Variants in DGKB observed in about 807,000 individuals in gnomAD.
DGKB encodes the protein diacylglycerol kinase beta.
In DGKB, 67 loss-of-function variants were observed where a neutral mutation model predicts 114.3. The observed-to-expected ratio is 0.59, with a 90% CI of 0.48 to 0.72. The LOEUF (loss-of-function observed/expected upper bound fraction) is 0.72. Ranked by LOEUF, DGKB falls within the 30% of genes least tolerant of loss-of-function variation. The probability of loss-of-function intolerance (pLI) is 0.00; values close to 1 mark genes in which losing one functional copy is unlikely to be tolerated. For missense variants in DGKB, 907 were observed against 975.2 expected, an observed-to-expected ratio of 0.93 and a Z score of 0.93; for synonymous variants, 398 against 323.1, an observed-to-expected ratio of 1.23 and a Z score of -2.49.
At chr7:14,294,224 G>T (rs1445065405) in intron 23 of DGKB, among the ~76,000 whole-genome samples, 1 of 151,516 alleles carries the variant, frequency 6.6e-6, no homozygotes, top group African/African-American at 2.4e-5. Context: ...GATTATATTG[G>T]GCCCACCCAG....
At chr7:14,164,012 C>CAAAAAAAAAAAAAA in intron 25 of DGKB, among the ~76,000 whole-genome samples, 1 of 146,396 alleles carries the variant, frequency 6.8e-6, no homozygotes, top group African/African-American at 2.5e-5. Flanking sequence ...AAAAAACAAA[C>CAAAAAAAAAAAAAA]AAAAAAAAAA....
intron 20 of DGKB, among the ~76,000 whole-genome samples, chr7:14,562,733 C>A (rs1377886576): frequency 6.6e-6 from 1 of 152,176 alleles, no homozygotes. Flanking sequence ...CCCATTGTAT[C>A]TAGGAAGCAA....
chr7:14,793,868 C>T (rs1841036011), intron 2 of DGKB, among the ~76,000 whole-genome samples: 1 of 152,058 alleles, frequency 6.6e-6, no homozygotes, highest in Non-Finnish European at 1.5e-5. Context: ...TGCCACCCCA[C>T]TGTAAGTGAG....
At chr7:14,664,117 A>G (rs1210267252) in intron 13 of DGKB, among the ~76,000 whole-genome samples, 1 of 152,046 alleles carries the variant, frequency 6.6e-6, no homozygotes, top group Non-Finnish European at 1.5e-5. Context: ...ATAATATCCA[A>G]TAAGTCATTC....
rs192396054 is a variant in DGKB at position 14,851,615 on chromosome 7, C to T, written c.-187-10165G>A. Reference sequence around the variant, plus strand: ...TCAGCAGGTGGTGTCTATGGCTTCTCCCCTTGCACTTAATACCTTTGTGAC... The same window carrying T: ...TCAGCAGGTGGTGTCTATGGCTTCTTCCCTTGCACTTAATACCTTTGTGAC... On this transcript the variant is annotated intron_variant, in intron 1 of 25. Transcript: ENST00000402815. Among the ~76,000 whole-genome samples, 403 of 152,272 alleles carry T rather than the reference C, an allele frequency of 2.6e-3. 1 individual carries two copies. Among genetic ancestry groups the T allele is most frequent in the Non-Finnish European group, 4.5e-3 (307 of 68,012 alleles).
intron 1 of DGKB, among the ~76,000 whole-genome samples, chr7:14,880,295 T>C (rs1239513718): frequency 1.3e-5 from 2 of 152,042 alleles, no homozygotes; most frequent in African/African-American, 2.4e-5. Flanking sequence ...CTGTCTCTAC[T>C]AAAAATACAA....
intron 17 of DGKB, among the ~76,000 whole-genome samples, chr7:14,593,839 C>T (rs1315536530): frequency 6.8e-6 from 1 of 146,718 alleles, no homozygotes; most frequent in Non-Finnish European, 1.5e-5. Context: ...AAAAAAACAA[C>T]ACAGGAGATT....
intron 21 of DGKB, among the ~76,000 whole-genome samples, chr7:14,467,657 TTA>T (rs1328941942): frequency 6.6e-6 from 1 of 152,158 alleles, no homozygotes; most frequent in Non-Finnish European, 1.5e-5. Flanking sequence ...AGAGCAATGT[TTA>T]TGAGTGAACC....
chr7:14,291,612 T>C (rs1276919669), intron 23 of DGKB, among the ~76,000 whole-genome samples: 3 of 149,564 alleles, frequency 2.0e-5, no homozygotes, highest in African/African-American at 5.1e-5. Context: ...GCTTGAACTC[T>C]TTCTGACATT....
intron 23 of DGKB, among the ~76,000 whole-genome samples, chr7:14,213,025 T>C (rs868385742): frequency 7.2e-5 from 11 of 152,208 alleles, no homozygotes; most frequent in South Asian, 4.1e-4. Context: ...TTATGAAATA[T>C]ATTCATTCAA....
At chr7:14,176,774 G>C in intron 25 of DGKB, 65 bp downstream of exon 25, 2 of 1,565,122 alleles carry the variant, frequency 1.3e-6, no homozygotes, top group Non-Finnish European at 1.7e-6. Context: ...AGTTATTGTG[G>C]TTATTTAGTC....
intron 23 of DGKB, among the ~76,000 whole-genome samples, chr7:14,261,713 G>C (rs1008090505): frequency 6.6e-6 from 1 of 151,696 alleles, no homozygotes; most frequent in Non-Finnish European, 1.5e-5. Context: ...AGTTTATATA[G>C]ATATAATTTG....
chr7:14,617,466 C>T (rs1460608189), intron 15 of DGKB, among the ~76,000 whole-genome samples: 1 of 151,592 alleles, frequency 6.6e-6, no homozygotes, highest in Non-Finnish European at 1.5e-5. Context: ...CTGCTCCATC[C>T]TAACAAGCCT....
At chr7:14,883,644 T>C (rs765778659) in intron 1 of DGKB, among the ~76,000 whole-genome samples, 2 of 151,966 alleles carry the variant, frequency 1.3e-5, no homozygotes, top group Non-Finnish European at 2.9e-5. Context: ...TGACTATTCA[T>C]ACTTTTGAAC....
chr7:14,834,260 A>G (rs1174480675), intron 2 of DGKB, among the ~76,000 whole-genome samples: 1 of 152,164 alleles, frequency 6.6e-6, no homozygotes. Flanking sequence ...TATTATCTTC[A>G]GTATAAACTG....
chr7:14,861,822 A>T (rs990704209), intron 1 of DGKB, among the ~76,000 whole-genome samples: 2 of 151,960 alleles, frequency 1.3e-5, no homozygotes, highest in African/African-American at 2.4e-5. Context: ...CTGCTGTGAC[A>T]ATTCCATTGT....
chr7:14,721,606 TTTAA>T (rs1388976178), intron 5 of DGKB, among the ~76,000 whole-genome samples: 1 of 152,160 alleles, frequency 6.6e-6, no homozygotes, highest in Non-Finnish European at 1.5e-5. Flanking sequence ...GTATCACATA[TTTAA>T]TTGTGTCACA....
At chr7:14,178,857 G>C (rs1782217742) in intron 23 of DGKB, among the ~76,000 whole-genome samples, 1 of 151,650 alleles carries the variant, frequency 6.6e-6, no homozygotes, top group African/African-American at 2.4e-5. Flanking sequence ...TAATAGTTAA[G>C]AGTTGTCGCT....
chr7:14,293,537 G>C (rs1802082899), intron 23 of DGKB, among the ~76,000 whole-genome samples: 1 of 151,998 alleles, frequency 6.6e-6, no homozygotes, highest in Non-Finnish European at 1.5e-5. Context: ...AAACTTGTAA[G>C]ACAGAAAGAA....
Sources: gnomAD v4.1 joint callset for allele counts (sites outside exome capture counted in the v4.1 genomes callset) on GRCh38, gnomAD v4.1.1 for gene constraint, MANE v1.5 for transcripts, NCBI Gene and HGNC (gene_info 2026-07-23, HGNC 2026-07-21) for gene names.